The following CNTNAP2 variants were observed in gnomAD, a reference collection of about 807,000 sequenced individuals.
CNTNAP2 encodes the protein contactin-associated protein-like 2.
In CNTNAP2, 98 loss-of-function variants were observed where a neutral mutation model predicts 155.2. That is an observed-to-expected ratio of 0.63 (90% CI 0.54 to 0.75). CNTNAP2 has a LOEUF of 0.75. Among genes scored for constraint, CNTNAP2 ranks in the 30% least tolerant of loss-of-function variants. The probability of loss-of-function intolerance (pLI) is 0.00; values close to 1 mark genes in which losing one functional copy is unlikely to be tolerated. For missense variants in CNTNAP2, 1,727 were observed against 1,688.1 expected (o/e 1.02, Z -0.40); for synonymous variants, 651 against 631.2 (o/e 1.03, Z -0.47).
chr7:146,407,760 A>AT (rs1474217815), intron 1 of CNTNAP2, among the ~76,000 whole-genome samples: 1 of 152,050 alleles, frequency 6.6e-6, no homozygotes, highest in Non-Finnish European at 1.5e-5. Flanking sequence ...GGTTCACTGT[A>AT]ATGTGGATCT....
At chr7:147,733,246 C>T (rs1796775895) in intron 13 of CNTNAP2, among the ~76,000 whole-genome samples, 1 of 152,134 alleles carries the variant, frequency 6.6e-6, no homozygotes, top group African/African-American at 2.4e-5. Context: ...CAGCTTTCTA[C>T]ATATGGCTAG....
chr7:146,396,065 C>A (rs990311746), intron 1 of CNTNAP2, among the ~76,000 whole-genome samples: 1 of 152,094 alleles, frequency 6.6e-6, no homozygotes, highest in Non-Finnish European at 1.5e-5. Flanking sequence ...AATTATCATA[C>A]TTTTTCCCCT....
intron 1 of CNTNAP2, among the ~76,000 whole-genome samples, chr7:146,441,831 GTC>G (rs1384247462): frequency 1.3e-5 from 2 of 151,410 alleles, no homozygotes; most frequent in African/African-American, 4.9e-5. Context: ...CTGCATTATT[GTC>G]TCTTTCCCAA....
chr7:146,617,012 G>T (rs1430975633), intron 1 of CNTNAP2, among the ~76,000 whole-genome samples: 1 of 87,022 alleles, frequency 1.1e-5, no homozygotes, highest in Non-Finnish European at 2.4e-5. Context: ...CAGGAAACCT[G>T]GTTTTTTTGT....
intron 2 of CNTNAP2, among the ~76,000 whole-genome samples, chr7:146,830,856 T>C (rs1416202605): frequency 1.3e-5 from 2 of 152,196 alleles, no homozygotes; most frequent in Non-Finnish European, 2.9e-5. Context: ...GTATACAGGA[T>C]GAAAGCCTGT....
At chr7:146,156,585 G>A (rs915579053) in intron 1 of CNTNAP2, among the ~76,000 whole-genome samples, 1 of 151,958 alleles carries the variant, frequency 6.6e-6, no homozygotes. Flanking sequence ...TCTACATATT[G>A]TTTTAAAGTA....
At chr7:147,978,594 A>G (rs931350021) in intron 15 of CNTNAP2, among the ~76,000 whole-genome samples, 7 of 152,042 alleles carry the variant, frequency 4.6e-5, no homozygotes, top group Admixed American at 3.9e-4. Flanking sequence ...AGTTGGAGTG[A>G]TGGTCCCTCC....
chr7:146,972,503 G>T (rs911495735), intron 3 of CNTNAP2, among the ~76,000 whole-genome samples: 1 of 152,088 alleles, frequency 6.6e-6, no homozygotes, highest in Non-Finnish European at 1.5e-5. Context: ...TACTATCTGT[G>T]TATGAACCTA....
At chr7:148,285,576 G>A (rs1348451602) in intron 21 of CNTNAP2, among the ~76,000 whole-genome samples, 1 of 152,252 alleles carries the variant, frequency 6.6e-6, no homozygotes, top group African/African-American at 2.4e-5. Context: ...CACCTGCCTG[G>A]CACTACATTA....
At chr7:147,332,792 G>T (rs1176478781) in intron 9 of CNTNAP2, among the ~76,000 whole-genome samples, 1 of 152,116 alleles carries the variant, frequency 6.6e-6, no homozygotes, top group Non-Finnish European at 1.5e-5. Flanking sequence ...AACCTGGGAG[G>T]CAGAAGCTGT....
At chr7:147,169,664 G>A (rs1051448194) in intron 8 of CNTNAP2, among the ~76,000 whole-genome samples, 4 of 147,398 alleles carry the variant, frequency 2.7e-5, no homozygotes, top group Non-Finnish European at 6.0e-5. Flanking sequence ...GGGAGGGAGG[G>A]AGGGAGGGAA....
At chr7:146,580,889 T>C (rs1253447945) in intron 1 of CNTNAP2, among the ~76,000 whole-genome samples, 5 of 152,214 alleles carry the variant, frequency 3.3e-5, no homozygotes, top group Non-Finnish European at 7.4e-5. Flanking sequence ...GATGTTTAGA[T>C]ACATTTGGCC....
intron 1 of CNTNAP2, among the ~76,000 whole-genome samples, chr7:146,690,767 G>A (rs1394285869): frequency 1.3e-5 from 2 of 152,018 alleles, no homozygotes; most frequent in Non-Finnish European, 2.9e-5. Context: ...AAAGAAAAAA[G>A]CCTTTAAAAT....
chr7:148,169,294 C>G (rs949635158), intron 17 of CNTNAP2, among the ~76,000 whole-genome samples: 3 of 152,194 alleles, frequency 2.0e-5, no homozygotes, highest in African/African-American at 7.2e-5. Flanking sequence ...CAAAAAGGCA[C>G]TGACCAATAT....
At chr7:146,561,140 G>A (rs545359520) in intron 1 of CNTNAP2, among the ~76,000 whole-genome samples, 1 of 152,216 alleles carries the variant, frequency 6.6e-6, no homozygotes, top group Non-Finnish European at 1.5e-5. Flanking sequence ...CCTTAAGAGT[G>A]CCTTCTACAT....
intron 13 of CNTNAP2, among the ~76,000 whole-genome samples, chr7:147,751,639 T>G (rs768934143): frequency 1.3e-5 from 2 of 152,256 alleles, no homozygotes; most frequent in Non-Finnish European, 2.9e-5. Context: ...CTGTCCATTT[T>G]GTGCTACACA....
chr7:146,978,367 T>C (rs1422146199), intron 3 of CNTNAP2, among the ~76,000 whole-genome samples: 2 of 152,218 alleles, frequency 1.3e-5, no homozygotes, highest in African/African-American at 4.8e-5. Flanking sequence ...GGGCACCAGC[T>C]GAGTATCACC....
At chr7:148,111,072 C>T (rs2116597414) in intron 15 of CNTNAP2, among the ~76,000 whole-genome samples, 1 of 152,270 alleles carries the variant, frequency 6.6e-6, no homozygotes, top group Non-Finnish European at 1.5e-5. Flanking sequence ...TCATGAAGCC[C>T]AAACATCAAA....
intron 21 of CNTNAP2, among the ~76,000 whole-genome samples, chr7:148,345,020 G>T (rs1438948010): frequency 6.6e-6 from 1 of 152,162 alleles, no homozygotes; most frequent in Non-Finnish European, 1.5e-5. Flanking sequence ...GAAATTCTTC[G>T]AATGTTATCA....
Sources: allele counts gnomAD v4.1 joint callset (sites outside exome capture counted in the v4.1 genomes callset), GRCh38; gene constraint gnomAD v4.1.1; transcripts MANE v1.5; gene names NCBI Gene and HGNC (gene_info 2026-07-23, HGNC 2026-07-21).